The following QTMAN variants were observed in gnomAD, a reference collection of about 807,000 sequenced individuals.
QTMAN encodes the protein queuosine-tRNA mannosyltransferase, also known as tRNA-queuosine alpha-mannosyltransferase.
At chr2:144,218,435 A>G in the QTMAN span, among the ~76,000 whole-genome samples, 1 of 152,168 alleles carries the variant, frequency 6.6e-6, no homozygotes, top group Non-Finnish European at 1.5e-5. Context: ...TAATCATTAC[A>G]CTGGCATTTT....
the QTMAN span, among the ~76,000 whole-genome samples, chr2:144,109,427 A>G: frequency 6.6e-6 from 1 of 151,914 alleles, no homozygotes; most frequent in African/African-American, 2.4e-5. Flanking sequence ...TGTTAGACCT[A>G]AAAACCATAA....
At chr2:144,065,470 T>C in the QTMAN span, among the ~76,000 whole-genome samples, 1 of 152,324 alleles carries the variant, frequency 6.6e-6, no homozygotes, top group South Asian at 2.1e-4. Context: ...ATTTTTTAGG[T>C]ATTCATTCTG....
the QTMAN span, among the ~76,000 whole-genome samples, chr2:144,073,551 C>T: frequency 3.9e-5 from 6 of 152,088 alleles, no homozygotes; most frequent in Middle Eastern, 3.2e-3. Context: ...TCTGCATAGC[C>T]CTTTCTGGGT....
At chr2:144,022,353 G>T in the QTMAN span, among the ~76,000 whole-genome samples, 1 of 151,724 alleles carries the variant, frequency 6.6e-6, no homozygotes, top group South Asian at 2.1e-4. Context: ...GCAGTGGTAT[G>T]ATCACAGCTC....
At chr2:144,163,382 T>C in the QTMAN span, among the ~76,000 whole-genome samples, 2 of 152,294 alleles carry the variant, frequency 1.3e-5, no homozygotes, top group Admixed American at 1.3e-4. Context: ...TTTCTACTTA[T>C]AAAATATTCT....
At chr2:144,249,991 A>G in the QTMAN span, among the ~76,000 whole-genome samples, 13 of 152,230 alleles carry the variant, frequency 8.5e-5, no homozygotes, top group African/African-American at 2.9e-4. Context: ...CTGGGAACAG[A>G]GATGGGAGAC....
the QTMAN span, among the ~76,000 whole-genome samples, chr2:144,253,942 G>A: frequency 6.6e-6 from 1 of 152,298 alleles, no homozygotes; most frequent in Admixed American, 6.5e-5. Context: ...ATGGTTTCCT[G>A]GGCTGGGTCC....
chr2:143,971,002 C>A, the QTMAN span, among the ~76,000 whole-genome samples: 2 of 152,020 alleles, frequency 1.3e-5, no homozygotes, highest in Admixed American at 6.5e-5. Flanking sequence ...GGCTCTGCAG[C>A]CTTAAAGGAC....
chr2:143,978,207 C>T, the QTMAN span, among the ~76,000 whole-genome samples: 1 of 152,142 alleles, frequency 6.6e-6, no homozygotes, highest in Non-Finnish European at 1.5e-5. Flanking sequence ...GCTTGTTATG[C>T]TCTCTCCTAC....
chr2:144,144,658 T>C, the QTMAN span, among the ~76,000 whole-genome samples: 4 of 152,082 alleles, frequency 2.6e-5, no homozygotes, highest in South Asian at 6.2e-4. Flanking sequence ...TACTTCACAA[T>C]TGAAGCAGCT....
chr2:144,318,258 T>G, the QTMAN span, among the ~76,000 whole-genome samples: 1 of 151,030 alleles, frequency 6.6e-6, no homozygotes, highest in Non-Finnish European at 1.5e-5. Context: ...CTAAAGTGAC[T>G]TGTATTTGAA....
At chr2:144,236,557 A>G in the QTMAN span, among the ~76,000 whole-genome samples, 1 of 152,024 alleles carries the variant, frequency 6.6e-6, no homozygotes, top group East Asian at 1.9e-4. Flanking sequence ...TGTTCTGTGT[A>G]TATTAAAGTC....
At chr2:144,245,146 T>G in the QTMAN span, among the ~76,000 whole-genome samples, 26 of 152,350 alleles carry the variant, frequency 1.7e-4, no homozygotes, top group African/African-American at 5.8e-4. Context: ...CATGAAAGTT[T>G]CCAAAAGACA....
the QTMAN span, among the ~76,000 whole-genome samples, chr2:143,979,436 C>G: frequency 6.6e-6 from 1 of 152,080 alleles, no homozygotes; most frequent in Non-Finnish European, 1.5e-5. Flanking sequence ...TAACAAAATG[C>G]GTGTCCATTG....
chr2:144,182,754 G>T, the QTMAN span, among the ~76,000 whole-genome samples: 1 of 119,170 alleles, frequency 8.4e-6, no homozygotes, highest in Non-Finnish European at 1.7e-5. Flanking sequence ...AAAGACTATT[G>T]AGTAGCATCC....
At chr2:144,104,928 G>A in the QTMAN span, among the ~76,000 whole-genome samples, 1 of 152,318 alleles carries the variant, frequency 6.6e-6, no homozygotes, top group African/African-American at 2.4e-5. Context: ...GAACGATCAG[G>A]CAGCAACCTT....
At chr2:144,174,257 C>T in the QTMAN span, among the ~76,000 whole-genome samples, 6 of 152,202 alleles carry the variant, frequency 3.9e-5, no homozygotes, top group East Asian at 7.7e-4. Flanking sequence ...CCTCCATCTC[C>T]GCAAATCAAG....
chr2:144,320,401 CCT>C, the QTMAN span, among the ~76,000 whole-genome samples: 1 of 152,104 alleles, frequency 6.6e-6, no homozygotes, highest in South Asian at 2.1e-4. Context: ...ATAATGTTTC[CCT>C]GTCTTACTTC....
chr2:144,126,525 T>G, the QTMAN span, among the ~76,000 whole-genome samples: 2 of 152,048 alleles, frequency 1.3e-5, no homozygotes, highest in Non-Finnish European at 2.9e-5. Context: ...TTTGAGGGGA[T>G]GCATACAGTC....
Sources: allele counts gnomAD v4.1 joint callset (sites outside exome capture counted in the v4.1 genomes callset), GRCh38; gene constraint gnomAD v4.1.1; transcripts MANE v1.5; gene names NCBI Gene and HGNC (gene_info 2026-07-23, HGNC 2026-07-21).